PTPRK: variants seen among roughly 807,000 people sequenced by gnomAD.
PTPRK encodes receptor-type tyrosine-protein phosphatase kappa.
In PTPRK, 75 loss-of-function variants were observed where a neutral mutation model predicts 178.0. The ratio of observed to expected loss-of-function variants is 0.42; its 90% CI spans 0.35 to 0.51. The LOEUF is 0.51. Ranked by LOEUF, PTPRK falls within the 20% of genes least tolerant of loss-of-function variation. The probability of loss-of-function intolerance (pLI) is 0.02; values close to 1 mark genes in which losing one functional copy is unlikely to be tolerated. For synonymous variants in PTPRK, 637 were observed against 620.6 expected, an observed-to-expected ratio of 1.03 and a Z score of -0.39; for missense variants, 1,441 against 1,797.8, an observed-to-expected ratio of 0.80 and a Z score of 3.59.
intron 2 of PTPRK, among the ~76,000 whole-genome samples, chr6:128,376,580 T>G (rs1420899041): frequency 6.6e-6 from 1 of 152,230 alleles, no homozygotes; most frequent in African/African-American, 2.4e-5. Context: ...GTCTTGGTGA[T>G]TAACATTCGG....
At chr6:127,986,328 G>C (rs1289296420) in intron 21 of PTPRK, among the ~76,000 whole-genome samples, 1 of 152,170 alleles carries the variant, frequency 6.6e-6, no homozygotes, top group Non-Finnish European at 1.5e-5. Context: ...GTTGAAAATG[G>C]TTTTGAAGCA....
At chr6:128,339,386 T>G (rs925652543) in intron 2 of PTPRK, among the ~76,000 whole-genome samples, 5 of 152,166 alleles carry the variant, frequency 3.3e-5, no homozygotes, top group African/African-American at 4.8e-5. Context: ...CTGAAGCATA[T>G]TCACCTCTTG....
At chr6:128,312,701 G>A (rs72967078) in intron 3 of PTPRK, among the ~76,000 whole-genome samples, 13,822 of 151,844 alleles carry the variant, frequency 0.091, 769 homozygotes, top group African/African-American at 0.15. Flanking sequence ...CGATGTATAC[G>A]CAATTGTCTT....
intron 3 of PTPRK, among the ~76,000 whole-genome samples, chr6:128,285,528 A>C (rs1822350952): frequency 6.7e-6 from 1 of 148,866 alleles, no homozygotes; most frequent in Non-Finnish European, 1.5e-5. Context: ...AAAAAAAAAA[A>C]GGCTGGGCGT....
intron 3 of PTPRK, among the ~76,000 whole-genome samples, chr6:128,314,974 C>T (rs191883013): frequency 1.7e-4 from 26 of 150,778 alleles, no homozygotes; most frequent in African/African-American, 6.1e-4. Context: ...TCCAACCCCC[C>T]AAGACATAGA....
chr6:127,971,656 C>T (rs1773912471), intron 29 of PTPRK, among the ~76,000 whole-genome samples: 1 of 151,850 alleles, frequency 6.6e-6, no homozygotes, highest in Non-Finnish European at 1.5e-5. Flanking sequence ...ATTCACGGGA[C>T]ATGAATGTAA....
At position 128,282,839 on chromosome 6, in the gene PTPRK, ATCATACCACAACT is replaced by A. The variant is rs1257296100; in HGVS notation, c.495+39187_495+39199del. ...AACAGTGTACAAACATCACTTATTT[ATCATACCACAACT>A]TGTGAGATAAAGAGGCAATAATATA... On this transcript the variant is annotated intron_variant, in intron 3 of 29. Transcript: ENST00000368226. Among the ~76,000 whole-genome samples the A allele has an allele frequency of 4.6e-5, 7 of 152,290 alleles. No individual in the cohort carries two copies. In the East Asian group the frequency reaches 1.4e-3, roughly 29 times the overall value.
At chr6:128,514,972 TA>T (rs558996667) in intron 1 of PTPRK, among the ~76,000 whole-genome samples, 51 of 152,376 alleles carry the variant, frequency 3.3e-4, no homozygotes, top group African/African-American at 1.2e-3. Context: ...CATGAAACTT[TA>T]AAAACCTTTT....
chr6:128,275,129 A>G (rs1199312195), intron 3 of PTPRK, among the ~76,000 whole-genome samples: 1 of 152,036 alleles, frequency 6.6e-6, no homozygotes, highest in East Asian at 1.9e-4. Context: ...TCATAACATA[A>G]CACTTATGAT....
chr6:128,182,267 A>G (rs1362531565), intron 7 of PTPRK, among the ~76,000 whole-genome samples: 1 of 152,106 alleles, frequency 6.6e-6, no homozygotes, highest in African/African-American at 2.4e-5. Context: ...AAATATCAAG[A>G]CATTTATAAG....
intron 7 of PTPRK, among the ~76,000 whole-genome samples, chr6:128,155,808 TATGAG>T (rs1004677970): frequency 6.6e-6 from 1 of 151,958 alleles, no homozygotes; most frequent in East Asian, 1.9e-4. Flanking sequence ...TTTCTAGTGT[TATGAG>T]ATGTTTCAAG....
intron 22 of PTPRK, 59 bp downstream of exon 22, chr6:127,985,662 C>A: frequency 6.7e-7 from 1 of 1,493,508 alleles, no homozygotes; most frequent in South Asian, 1.3e-5. Flanking sequence ...AAAGCCTTGT[C>A]TTGATACTCT....
chr6:128,299,624 G>C (rs1440666059), intron 3 of PTPRK, among the ~76,000 whole-genome samples: 185 of 151,018 alleles, frequency 1.2e-3, no homozygotes, highest in African/African-American at 4.5e-3. Flanking sequence ...AATGCGGAAA[G>C]GATTCCCTAT....
At chr6:128,093,822 A>G (rs1034814187) in intron 7 of PTPRK, among the ~76,000 whole-genome samples, 2 of 151,992 alleles carry the variant, frequency 1.3e-5, no homozygotes, top group African/African-American at 4.8e-5. Context: ...AAGTGAATAA[A>G]GCATAATCTT....
At chr6:128,101,427 T>C (rs1788758093) in intron 7 of PTPRK, among the ~76,000 whole-genome samples, 1 of 152,144 alleles carries the variant, frequency 6.6e-6, no homozygotes, top group Non-Finnish European at 1.5e-5. Context: ...TTGGCTCTTC[T>C]GTTTCCCACA....
At chr6:128,479,802 C>T (rs1211077884) in intron 1 of PTPRK, among the ~76,000 whole-genome samples, 1 of 152,080 alleles carries the variant, frequency 6.6e-6, no homozygotes, top group Non-Finnish European at 1.5e-5. Flanking sequence ...TTCCTACTTG[C>T]TAGAATGTCT....
At chr6:128,139,896 T>A (rs547055984) in intron 7 of PTPRK, among the ~76,000 whole-genome samples, 2 of 151,804 alleles carry the variant, frequency 1.3e-5, no homozygotes, top group African/African-American at 4.8e-5. Context: ...CATTTTTTTT[T>A]AATCCAAATC....
chr6:128,317,624 TTAAA>T (rs915277105), intron 3 of PTPRK, among the ~76,000 whole-genome samples: 4 of 152,142 alleles, frequency 2.6e-5, no homozygotes, highest in African/African-American at 9.7e-5. Context: ...TAAAAATTCT[TTAAA>T]TAATTTTATT....
chr6:128,266,979 CTTAT>C (rs748791028), intron 3 of PTPRK, among the ~76,000 whole-genome samples: 4 of 152,046 alleles, frequency 2.6e-5, no homozygotes, highest in Non-Finnish European at 5.9e-5. Flanking sequence ...TGTAAGGAAA[CTTAT>C]TTATTATGAT....
Sources: gnomAD v4.1 joint callset for allele counts (sites outside exome capture counted in the v4.1 genomes callset) on GRCh38, gnomAD v4.1.1 for gene constraint, MANE v1.5 for transcripts, NCBI Gene and HGNC (gene_info 2026-07-23, HGNC 2026-07-21) for gene names.